REV3L: variants seen among roughly 807,000 people sequenced by gnomAD.
REV3L encodes the protein REV3 like, DNA directed polymerase zeta catalytic subunit.
REV3L carries 69 observed loss-of-function variants against 299.4 expected under a neutral mutation model. The ratio of observed to expected loss-of-function variants is 0.23; its 90% CI spans 0.19 to 0.28. REV3L has a LOEUF of 0.28. REV3L is among the 10% of genes least tolerant of loss of function. REV3L has a pLI of 1.00. For missense variants in REV3L, 3,128 were observed against 3,693.8 expected (o/e 0.85, Z 3.97); for synonymous variants, 1,238 against 1,271.4 (o/e 0.97, Z 0.56).
chr6:111,471,875 C>T (rs919787976), intron 1 of REV3L: 4 of 278,534 alleles, frequency 1.4e-5, no homozygotes, highest in Non-Finnish European at 2.4e-5. Context: ...TGGGAATGGG[C>T]AAAGGAGTCA....
rs150753551 is a variant in REV3L, at chr6:111,454,471, G to A, written c.139+28279C>T. Among the ~76,000 whole-genome samples the A allele has an allele frequency of 5.5e-3, 834 of 151,570 alleles. 33 individuals are homozygous for A. The highest frequency in any genetic ancestry group is 0.051 in the Admixed American group (769 of 15,220). ...TGGCATTAAGTACATTCACATTATT[G>A]TGTAACCATCATCACTATCCATCTC... On this transcript the variant is annotated intron_variant, in intron 1 of 31. Transcript: ENST00000368802.
intron 16 of REV3L, among the ~76,000 whole-genome samples, chr6:111,359,716 A>C (rs1778454491): frequency 6.6e-6 from 1 of 152,182 alleles, no homozygotes; most frequent in African/African-American, 2.4e-5. Context: ...AGAGTAAATA[A>C]GAAAAACAAA....
intron 25 of REV3L, among the ~76,000 whole-genome samples, chr6:111,325,926 C>T (rs892789325): frequency 1.3e-5 from 2 of 152,176 alleles, no homozygotes; most frequent in Non-Finnish European, 2.9e-5. Context: ...CTCCCTCCCT[C>T]CCCACCTCAT....
At chr6:111,355,584 T>C (rs1778004140) in intron 18 of REV3L, among the ~76,000 whole-genome samples, 1 of 152,170 alleles carries the variant, frequency 6.6e-6, no homozygotes, top group African/African-American at 2.4e-5. Context: ...CATTTCATTT[T>C]ATGGACATTT....
rs759826802 is a variant in REV3L, at chr6:111,329,642, T to C, written c.8131A>G (p.Arg2711Gly). 1 of 1,614,146 alleles carries C rather than the reference T, an allele frequency of 6.2e-7. No individual in the cohort carries two copies. The highest frequency in any genetic ancestry group is 8.5e-7 in the Non-Finnish European group (1 of 1,180,042). The change falls in exon 25 of 32, where the codon AGA becomes GGA. Residue 2711 changes from arginine (R) to glycine (G), a missense_variant. This residue lies in a region of REV3L where 53 missense variants were observed against 57.4 expected (regional missense o/e 0.92). Coordinates refer to ENST00000368802, the MANE Select transcript of REV3L (RefSeq NM_001372078.1). ...GCATCAAGCATTCGTGACAGGGCTC[T>C]GTCTTGCTTGTAAGCCTTCATTGAC... The part of the protein sequence containing the change: ...KQSMKAYKQD[R>G]ALSRMLDARQ...
At chr6:111,420,091 T>C (rs1785162626) in intron 1 of REV3L, among the ~76,000 whole-genome samples, 1 of 152,190 alleles carries the variant, frequency 6.6e-6, no homozygotes, top group Non-Finnish European at 1.5e-5. Context: ...ATGATCCACC[T>C]GCCTCGGCCT....
intron 1 of REV3L, among the ~76,000 whole-genome samples, chr6:111,444,867 G>T (rs986696102): frequency 2.0e-5 from 3 of 152,184 alleles, no homozygotes; most frequent in African/African-American, 7.2e-5. Context: ...GCAGGTTAAT[G>T]TTTAAGGTAT....
At chr6:111,343,804 A>T in intron 21 of REV3L, 121 bp downstream of exon 21, 3 of 617,668 alleles carry the variant, frequency 4.9e-6, no homozygotes, top group Non-Finnish European at 7.8e-6. Flanking sequence ...TGCTAGGATT[A>T]CAGGCGTAAG....
chr6:111,463,649 T>A (rs1278393618), intron 1 of REV3L, among the ~76,000 whole-genome samples: 1 of 152,238 alleles, frequency 6.6e-6, no homozygotes, highest in Non-Finnish European at 1.5e-5. Context: ...ACTTTGTTGA[T>A]AGGTTCTTGG....
At chr6:111,473,630 G>A (rs1792532064) in intron 1 of REV3L, among the ~76,000 whole-genome samples, 1 of 151,718 alleles carries the variant, frequency 6.6e-6, no homozygotes, top group African/African-American at 2.4e-5. Context: ...TATTATATAA[G>A]AAGATTCTAA....
intron 25 of REV3L, among the ~76,000 whole-genome samples, chr6:111,323,413 A>G (rs1582511489): frequency 6.6e-6 from 1 of 152,322 alleles, no homozygotes; most frequent in South Asian, 2.1e-4. Flanking sequence ...ATGTCTTTCA[A>G]TATCATTAAA....
intron 27 of REV3L, 67 bp from the exon 28 acceptor site, chr6:111,313,556 T>A: frequency 6.8e-7 from 1 of 1,464,036 alleles, no homozygotes; most frequent in Non-Finnish European, 9.2e-7. Context: ...TTTATTTTTA[T>A]GTCTTTGTGC....
chr6:111,473,785 G>C (rs939797609), intron 1 of REV3L, among the ~76,000 whole-genome samples: 1 of 151,940 alleles, frequency 6.6e-6, no homozygotes, highest in South Asian at 2.1e-4. Flanking sequence ...CGGGGGGAGA[G>C]GGGGTCAGTG....
intron 29 of REV3L, chr6:111,310,856 T>A: frequency 2.4e-6 from 1 of 415,514 alleles, no homozygotes. Flanking sequence ...ACAATTTCTT[T>A]GCATAAGTTT....
At chr6:111,364,125 G>A (rs925738088) in intron 15 of REV3L, 147 bp from the exon 16 acceptor site, 6 of 1,116,196 alleles carry the variant, frequency 5.4e-6, no homozygotes, top group Middle Eastern at 4.2e-4. Flanking sequence ...AGAACAAACT[G>A]TATTTTATTA....
intron 1 of REV3L, chr6:111,430,926 CTG>C: frequency 6.3e-7 from 1 of 1,597,452 alleles, no homozygotes; most frequent in East Asian, 2.2e-5. Context: ...GGCTACTGCC[CTG>C]TGAGACTGGG....
At chr6:111,410,733 C>T (rs1305337475) in intron 3 of REV3L, among the ~76,000 whole-genome samples, 1 of 152,064 alleles carries the variant, frequency 6.6e-6, no homozygotes, top group African/African-American at 2.4e-5. Context: ...GCAGTCGTGC[C>T]CCCTGTAGTG....
chr6:111,380,042 AGCT>A lies in REV3L; in HGVS notation c.1391_1393del (p.Glu464_Leu465delinsVal). On this transcript the variant is annotated inframe_deletion, in exon 11 of 32. Coordinates refer to ENST00000368802, the MANE Select transcript of REV3L (RefSeq NM_001372078.1). ...CCATCTCTGGGACATCACCAAACTAAGCTCCATTTCCTCTTTTTCAATCTGTGG... is the reference window on the plus strand; with the variant it reads ...CCATCTCTGGGACATCACCAAACTAACCATTTCCTCTTTTTCAATCTGTGG... 6.2e-7 allele frequency: 1 copy of A among 1,613,998 alleles called. No homozygotes were observed. Among genetic ancestry groups the A allele is most frequent in the South Asian group, 1.1e-5 (1 of 91,068 alleles).
At chr6:111,434,543 C>T (rs1002546308) in intron 1 of REV3L, among the ~76,000 whole-genome samples, 6 of 150,828 alleles carry the variant, frequency 4.0e-5, no homozygotes, top group African/African-American at 4.9e-5. Flanking sequence ...GGCGTGAACC[C>T]GGGAAGCGGA....
Sources: gnomAD v4.1 joint callset for allele counts (sites outside exome capture counted in the v4.1 genomes callset) on GRCh38, gnomAD v4.1.1 for gene constraint, gnomAD v4.1.1 regional missense constraint, MANE v1.5 for transcripts, NCBI Gene and HGNC (gene_info 2026-07-23, HGNC 2026-07-21) for gene names.